Variants in KDM5A observed in about 807,000 individuals in gnomAD.
KDM5A encodes the protein lysine-specific demethylase 5A.
A neutral mutation model predicts 193.5 loss-of-function variants in KDM5A; 42 were observed. The observed-to-expected ratio is 0.22, with a 90% confidence interval of 0.17 to 0.28. The LOEUF (loss-of-function observed/expected upper bound fraction) is 0.28, where lower values mean the gene tolerates loss of function less well. Ranked by LOEUF, KDM5A falls within the 10% of genes least tolerant of loss-of-function variation. The pLI, the probability that KDM5A is intolerant of heterozygous loss-of-function variation, is 1.00. For missense variants in KDM5A, 1,692 were observed against 2,055.1 expected (o/e 0.82, Z 3.42); for synonymous variants, 796 against 718.1 (o/e 1.11, Z -1.73).
At position 281,065 on chromosome 12, in the gene KDM5A, G is replaced by C. The variant is rs1292641250; in HGVS notation, c.*4391C>G. The C allele has an allele frequency of 8.6e-6, 2 of 232,778 alleles. No individual in the cohort carries two copies. The highest frequency in any genetic ancestry group is 5.6e-5 in the Admixed American group (1 of 17,766). 14.4% of individuals were successfully genotyped at this position (232,778 alleles called of 1,614,324 possible). A position where few individuals can be genotyped will look rare whatever the true frequency, so the allele number is the denominator to read the frequency against. On this transcript the variant is annotated 3_prime_UTR_variant, in exon 28 of 28. Transcript: ENST00000399788. ...AGTTGCCACCAATGTAAATGACAGGGGTTAGGGTGGGTATGGGTGTGGGGA... is the reference window on the plus strand; with the variant it reads ...AGTTGCCACCAATGTAAATGACAGGCGTTAGGGTGGGTATGGGTGTGGGGA...
chr12:382,216 G>A (rs1440810235), intron 3 of KDM5A, among the ~76,000 whole-genome samples: 1 of 151,856 alleles, frequency 6.6e-6, no homozygotes, highest in Non-Finnish European at 1.5e-5. Context: ...TGGATCATCT[G>A]AGGTCAGGAG....
Position 365,997 on chromosome 12 carries a change from C to CA in KDM5A, c.473dup (p.Leu158PhefsTer6). 1 of 1,614,020 alleles carries CA rather than the reference C, an allele frequency of 6.2e-7. No individual in the cohort carries two copies. Among genetic ancestry groups the CA allele is most frequent in the Non-Finnish European group, 8.5e-7 (1 of 1,179,870 alleles). The stretch of plus-strand genomic sequence containing the variant: ...AGAGAATTCTTTCATAATGTGACTT[C>CA]AAAAGAGACCCAGTTCCTTTTCCTG... On this transcript the variant is annotated frameshift_variant, in exon 4 of 28. Transcript: ENST00000399788. LOFTEE classifies it high-confidence loss of function.
chr12:355,661 T>C (rs1208023937), intron 6 of KDM5A, among the ~76,000 whole-genome samples: 24 of 152,228 alleles, frequency 1.6e-4, no homozygotes, highest in East Asian at 3.8e-4. Flanking sequence ...AAAGGAAATA[T>C]TATTATTACA....
intron 14 of KDM5A, among the ~76,000 whole-genome samples, chr12:325,412 G>A (rs2052279): frequency 0.3 from 45,432 of 151,988 alleles, 7,020 homozygotes; most frequent in East Asian, 0.5. Flanking sequence ...TCCAGGTGCC[G>A]TGGCTCACAC....
At chr12:300,769 T>C (rs1466522135) in intron 24 of KDM5A, among the ~76,000 whole-genome samples, 1 of 151,788 alleles carries the variant, frequency 6.6e-6, no homozygotes, top group Non-Finnish European at 1.5e-5. Context: ...ATCAACAAAA[T>C]AGATAGACCG....
intron 14 of KDM5A, among the ~76,000 whole-genome samples, chr12:324,801 G>A (rs1943762363): frequency 1.3e-5 from 2 of 151,992 alleles, no homozygotes; most frequent in Admixed American, 1.3e-4. Flanking sequence ...TGAGCCCGGG[G>A]GGTGAAGGTT....
chr12:384,920 T>C (rs1018425949), intron 2 of KDM5A, among the ~76,000 whole-genome samples: 2 of 152,166 alleles, frequency 1.3e-5, no homozygotes, highest in African/African-American at 2.4e-5. Context: ...CCAGGCGCGG[T>C]AGCTCACGCC....
In KDM5A at chr12:285,495, G is replaced by T; in HGVS notation, c.5034C>A (p.Ser1678Arg). Reference protein sequence around the residue: ...GPAPPPSFIMSYKLPMEDLKE... With the variant: ...GPAPPPSFIMRYKLPMEDLKE... ...TAAGATCCTCCATTGGTAGTTTGTA[G>T]CTCATTATGAAGGAAGGAGGTGGTG... The change falls in exon 28 of 28, where the codon AGC becomes AGA. Residue 1678 changes from serine (S) to arginine (R), a missense_variant. Ser to Arg is a moderately radical substitution (Grantham distance 110). Transcript: ENST00000399788. 1.2e-6 allele frequency: 2 copies of T among 1,614,020 alleles called. No homozygotes were observed. Among genetic ancestry groups the T allele is most frequent in the Non-Finnish European group, 8.5e-7 (1 of 1,179,946 alleles).
chr12:320,029 C>T (rs563032297), intron 18 of KDM5A, among the ~76,000 whole-genome samples: 53 of 152,160 alleles, frequency 3.5e-4, no homozygotes, highest in Non-Finnish European at 4.9e-4. Context: ...GCAAGGAAGA[C>T]GTAAGAGAAG....
chr12:387,207 T>C (rs761394439), intron 1 of KDM5A: 7 of 365,716 alleles, frequency 1.9e-5, no homozygotes, highest in Middle Eastern at 3.7e-4. Context: ...AGTAAACCTA[T>C]TTTAAAACGT....
At chr12:354,656 A>T (rs1423133869) in intron 7 of KDM5A, among the ~76,000 whole-genome samples, 9 of 151,862 alleles carry the variant, frequency 5.9e-5, no homozygotes, top group African/African-American at 1.9e-4. Flanking sequence ...AGTCCCAGCT[A>T]CTCGGGAGGC....
At position 285,532 on chromosome 12, in the gene KDM5A, C is replaced by T. The variant is rs1943210586; in HGVS notation, c.4997G>A (p.Ser1666Asn). 6.2e-7 allele frequency: 1 copy of T among 1,614,034 alleles called. No homozygotes were observed. Among genetic ancestry groups the T allele is most frequent in the South Asian group, 1.1e-5 (1 of 91,084 alleles). The stretch of plus-strand genomic sequence containing the variant: ...GGAAGGAGGTGGTGCTGGACCTGGG[C>T]TAACTGGCCCCTGCTTCTTTGCACA... Reference protein sequence around the residue: ...INCAKKQGPVSPGPAPPPSFI... With the variant: ...INCAKKQGPVNPGPAPPPSFI... The change falls in exon 28 of 28, where the codon AGC (serine) becomes AAC (asparagine). Residue 1666 changes from serine to asparagine, a missense_variant. Physicochemically the swap from Ser to Asn is conservative, Grantham distance 46. Transcript: ENST00000399788.
chr12:361,753 C>CCA (rs1944296932), intron 5 of KDM5A, among the ~76,000 whole-genome samples: 1 of 152,110 alleles, frequency 6.6e-6, no homozygotes, highest in Non-Finnish European at 1.5e-5. Context: ...AATGACTAAA[C>CCA]CAGAGTTTAC....
intron 3 of KDM5A, among the ~76,000 whole-genome samples, chr12:368,808 C>G (rs2137474805): frequency 6.6e-6 from 1 of 152,224 alleles, no homozygotes; most frequent in East Asian, 1.9e-4. Context: ...TCCTCACCAT[C>G]ATCAAAATAG....
intron 8 of KDM5A, among the ~76,000 whole-genome samples, chr12:352,935 T>A (rs571339625): frequency 9.8e-5 from 15 of 152,322 alleles, no homozygotes; most frequent in African/African-American, 3.4e-4. Flanking sequence ...TAATGTCCTA[T>A]CACAGCATTT....
At chr12:374,475 G>A (rs944588255) in intron 3 of KDM5A, among the ~76,000 whole-genome samples, 1 of 152,158 alleles carries the variant, frequency 6.6e-6, no homozygotes, top group Admixed American at 6.5e-5. Flanking sequence ...GTCTCTGCAT[G>A]TGAGATGGGT....
chr12:371,896 A>T (rs1053517237), intron 3 of KDM5A, among the ~76,000 whole-genome samples: 1 of 152,216 alleles, frequency 6.6e-6, no homozygotes, highest in Non-Finnish European at 1.5e-5. Context: ...TTTGTCAAAG[A>T]TCAGACGGTT....
intron 24 of KDM5A, among the ~76,000 whole-genome samples, chr12:299,633 G>C (rs1470153450): frequency 1.3e-5 from 2 of 152,122 alleles, no homozygotes; most frequent in African/African-American, 4.8e-5. Context: ...TGAAGAAACT[G>C]CATCAACTAA....
chr12:285,404 AG>A lies in KDM5A; in HGVS notation c.*51del. On this transcript the variant is annotated 3_prime_UTR_variant, in exon 28 of 28. Coordinates refer to ENST00000399788, the MANE Select transcript of KDM5A (RefSeq NM_001042603.3). Reference sequence around the variant, plus strand: ...TATAAACCACTCTACTTGATGACTAAGGTCTCAATGTGGTCCATGTCCCCCC... The same window carrying A: ...TATAAACCACTCTACTTGATGACTAAGTCTCAATGTGGTCCATGTCCCCCC... 6.8e-7 allele frequency: 1 copy of A among 1,470,036 alleles called. No individual in the cohort carries two copies. The highest frequency in any genetic ancestry group is 2.3e-5 in the East Asian group (1 of 44,112). The allele number at this position is 1,470,036 out of a possible 1,614,324, so 91.1% of individuals were successfully genotyped here. A position where few individuals can be genotyped will look rare whatever the true frequency, so the allele number is the denominator to read the frequency against.
Sources: allele counts gnomAD v4.1 joint callset (sites outside exome capture counted in the v4.1 genomes callset), GRCh38; gene constraint gnomAD v4.1.1; transcripts MANE v1.5; gene names NCBI Gene and HGNC (gene_info 2026-07-23, HGNC 2026-07-21).